The following COL11A1 variants were observed in gnomAD, a reference collection of about 807,000 sequenced individuals.
COL11A1 encodes collagen alpha-1(XI) chain.
COL11A1 carries 74 observed loss-of-function variants against 265.2 expected under a neutral mutation model. The observed-to-expected ratio is 0.28, with a 90% CI of 0.23 to 0.34. The LOEUF is 0.34. COL11A1 is among the 10% of genes least tolerant of loss of function. COL11A1 has a pLI of 1.00. For synonymous variants in COL11A1, 816 were observed against 727.6 expected, an observed-to-expected ratio of 1.12 and a Z score of -1.96; for missense variants, 2,165 against 2,263.6, an observed-to-expected ratio of 0.96 and a Z score of 0.88.
At chr1:103,005,967 G>A in intron 17 of COL11A1, 76 bp from the exon 18 acceptor site, 8 of 1,611,684 alleles carry the variant, frequency 5.0e-6, no homozygotes, top group Non-Finnish European at 6.8e-6. Flanking sequence ...CAATTTAAAT[G>A]CGAAATATTC....
intron 57 of COL11A1, among the ~76,000 whole-genome samples, chr1:102,895,584 T>G (rs987091802): frequency 1.3e-5 from 2 of 152,058 alleles, no homozygotes; most frequent in Non-Finnish European, 1.5e-5. Flanking sequence ...AAATTCATCA[T>G]GGAGAAAGTA....
intron 43 of COL11A1, among the ~76,000 whole-genome samples, chr1:102,939,365 C>T (rs187438646): frequency 2.6e-4 from 39 of 152,140 alleles, no homozygotes; most frequent in Admixed American, 1.1e-3. Context: ...AAACTGGTAA[C>T]GGAAATACAC....
intron 4 of COL11A1, among the ~76,000 whole-genome samples, chr1:103,060,767 G>A (rs1346610989): frequency 2.0e-5 from 3 of 152,078 alleles, no homozygotes; most frequent in African/African-American, 7.2e-5. Context: ...TTTGAGACAA[G>A]CCTGGGCAAC....
At chr1:103,016,790 T>C (rs896621224) in intron 11 of COL11A1, among the ~76,000 whole-genome samples, 1 of 152,024 alleles carries the variant, frequency 6.6e-6, no homozygotes, top group African/African-American at 2.4e-5. Flanking sequence ...TTAAAGTAAG[T>C]TCAAATAATG....
chr1:102,914,863 T>TA, intron 50 of COL11A1, 52 bp from the exon 51 acceptor site: 1 of 1,444,690 alleles, frequency 6.9e-7, no homozygotes, highest in Non-Finnish European at 9.6e-7. Context: ...AGAGTTATCT[T>TA]ACAAGTTTTG....
Position 102,913,694 on chromosome 1 carries a change from T to A in COL11A1, c.3979-4A>T. 6.2e-7 allele frequency: 1 copy of A among 1,612,974 alleles called. No individual in the cohort carries two copies. The highest frequency in any genetic ancestry group is 8.5e-7 in the Non-Finnish European group (1 of 1,179,206). On this transcript the variant is annotated splice_region_variant and splice_polypyrimidine_tract_variant and intron_variant, in intron 52 of 66. Transcript: ENST00000370096. The stretch of plus-strand genomic sequence containing the variant: ...CACCACCAACACCATCTTGACCCTA[T>A]AAGAGGCAATAAAATATGAAGCAAG...
At chr1:102,885,917 T>G (rs1435167925) in intron 63 of COL11A1, among the ~76,000 whole-genome samples, 1 of 152,148 alleles carries the variant, frequency 6.6e-6, no homozygotes, top group Non-Finnish European at 1.5e-5. Context: ...TATGCTTGAT[T>G]AAGATAAGAA....
intron 46 of COL11A1, among the ~76,000 whole-genome samples, chr1:102,930,304 G>T (rs1404233727): frequency 6.6e-6 from 1 of 151,788 alleles, no homozygotes; most frequent in Admixed American, 6.6e-5. Context: ...AGCATGAATG[G>T]TTGTTGAATT....
intron 5 of COL11A1, among the ~76,000 whole-genome samples, chr1:103,030,703 C>A (rs559184359): frequency 6.6e-6 from 1 of 152,002 alleles, no homozygotes; most frequent in Non-Finnish European, 1.5e-5. Flanking sequence ...TAAGATAGTT[C>A]TAATGTCACT....
At chr1:103,024,733 T>A (rs1331383606) in intron 7 of COL11A1, among the ~76,000 whole-genome samples, 1 of 152,158 alleles carries the variant, frequency 6.6e-6, no homozygotes, top group African/African-American at 2.4e-5. Context: ...CATTTATTAT[T>A]CACAATTTTG....
chr1:103,102,562 C>T (rs1437709586), intron 1 of COL11A1, among the ~76,000 whole-genome samples: 1 of 152,048 alleles, frequency 6.6e-6, no homozygotes, highest in Non-Finnish European at 1.5e-5. Context: ...GCTCAGTCCC[C>T]ACTTGCAGTT....
chr1:102,905,097 A>G (rs1653763869), intron 54 of COL11A1, among the ~76,000 whole-genome samples: 1 of 151,594 alleles, frequency 6.6e-6, no homozygotes, highest in Non-Finnish European at 1.5e-5. Context: ...ACTGGAAACC[A>G]TCATTCTCAG....
At chr1:103,104,062 T>C (rs900331212) in intron 1 of COL11A1, among the ~76,000 whole-genome samples, 2 of 152,112 alleles carry the variant, frequency 1.3e-5, no homozygotes, top group African/African-American at 4.8e-5. Context: ...TCCTCATTTA[T>C]TGAGAAGGTA....
chr1:102,949,585 A>G (rs779388889), intron 41 of COL11A1, among the ~76,000 whole-genome samples: 1 of 152,202 alleles, frequency 6.6e-6, no homozygotes, highest in South Asian at 2.1e-4. Context: ...CAATTATTAT[A>G]CCTACTAATT....
chr1:102,942,830 T>C (rs923351137), intron 42 of COL11A1, among the ~76,000 whole-genome samples: 2 of 152,110 alleles, frequency 1.3e-5, no homozygotes, highest in African/African-American at 4.8e-5. Context: ...TTCTGAACAC[T>C]TCTCACAACT....
chr1:103,043,718 G>A (rs1286030084), intron 4 of COL11A1, among the ~76,000 whole-genome samples: 2 of 151,962 alleles, frequency 1.3e-5, no homozygotes, highest in Non-Finnish European at 2.9e-5. Context: ...CCAGTGTTTG[G>A]AGTCAATTAA....
At chr1:103,083,240 GTCTGTGTC>G (rs1558037459) in intron 1 of COL11A1, among the ~76,000 whole-genome samples, 46 of 76,418 alleles carry the variant, frequency 6.0e-4, no homozygotes, top group Middle Eastern at 5.6e-3. Flanking sequence ...GTGTGTGTGT[GTCTGTGTC>G]TGTGTGTGTG....
chr1:103,065,488 C>G (rs180823743), intron 4 of COL11A1, among the ~76,000 whole-genome samples: 2 of 126,430 alleles, frequency 1.6e-5, no homozygotes, highest in Admixed American at 2.2e-4. Flanking sequence ...CCACTACACT[C>G]CAGCCTGGGC....
chr1:102,884,847 T>G (rs192840391), intron 63 of COL11A1, among the ~76,000 whole-genome samples: 1 of 152,330 alleles, frequency 6.6e-6, no homozygotes, highest in Admixed American at 6.5e-5. Flanking sequence ...CTTTCATTTC[T>G]GTTCTGAAAC....
Sources: gnomAD v4.1 joint callset for allele counts (sites outside exome capture counted in the v4.1 genomes callset) on GRCh38, gnomAD v4.1.1 for gene constraint, MANE v1.5 for transcripts, NCBI Gene and HGNC (gene_info 2026-07-23, HGNC 2026-07-21) for gene names.